The following DLG2 variants were observed in gnomAD, a reference collection of about 807,000 sequenced individuals.
DLG2 encodes disks large homolog 2.
In DLG2, 45 loss-of-function variants were observed where a neutral mutation model predicts 132.5. That is an observed-to-expected ratio of 0.34 (90% CI 0.27 to 0.44). The LOEUF (loss-of-function observed/expected upper bound fraction) is 0.44, where lower values mean the gene tolerates loss of function less well. DLG2 is among the 20% of genes least tolerant of loss of function. The pLI, the probability that DLG2 is intolerant of heterozygous loss-of-function variation, is 1.00. For missense variants in DLG2, 1,045 were observed against 1,196.9 expected, an observed-to-expected ratio of 0.87 and a Z score of 1.87; for synonymous variants, 424 against 419.6, an observed-to-expected ratio of 1.01 and a Z score of -0.13.
At position 84,356,838 on chromosome 11, in the gene DLG2, G is replaced by T. The variant is rs1296406168; in HGVS notation, c.520-105547C>A. Among the ~76,000 whole-genome samples the T allele has an allele frequency of 3.9e-5, 6 of 151,996 alleles. No homozygotes were observed. In the East Asian group the frequency reaches 1.2e-3, roughly 29 times the overall value. On this transcript the variant is annotated intron_variant, in intron 7 of 27. Transcript: ENST00000376104. ...GGACCTGGAAAAGTATTTTTAAAAA[G>T]ATGACATTTCAGCAAGTGACATAAA...
intron 7 of DLG2, among the ~76,000 whole-genome samples, chr11:84,422,974 T>C (rs2154465994): frequency 1.3e-5 from 2 of 152,230 alleles, no homozygotes; most frequent in Non-Finnish European, 2.9e-5. Context: ...CTTATCAAAG[T>C]AGTAATGGAA....
At chr11:84,050,159 T>TG (rs2096335819) in intron 11 of DLG2, among the ~76,000 whole-genome samples, 1 of 151,132 alleles carries the variant, frequency 6.6e-6, no homozygotes, top group Admixed American at 6.6e-5. Context: ...GAGACTTTTT[T>TG]TTTTTTTTTT....
chr11:83,777,708 C>G (rs1407415854), intron 18 of DLG2, among the ~76,000 whole-genome samples: 1 of 152,118 alleles, frequency 6.6e-6, no homozygotes, highest in African/African-American at 2.4e-5. Flanking sequence ...CCATGGTACA[C>G]AGAGACAGCA....
At chr11:85,310,429 T>C (rs1480743071) in intron 3 of DLG2, among the ~76,000 whole-genome samples, 1 of 152,194 alleles carries the variant, frequency 6.6e-6, no homozygotes, top group Non-Finnish European at 1.5e-5. Context: ...TAAAAATAAC[T>C]GCAGGATTTC....
At chr11:84,588,217 A>G (rs1361557848) in intron 6 of DLG2, among the ~76,000 whole-genome samples, 1 of 152,184 alleles carries the variant, frequency 6.6e-6, no homozygotes, top group East Asian at 1.9e-4. Context: ...GATACAGAGA[A>G]TAAGAAGATG....
At chr11:85,262,734 T>C (rs1333551857) in intron 4 of DLG2, among the ~76,000 whole-genome samples, 1 of 152,142 alleles carries the variant, frequency 6.6e-6, no homozygotes, top group Non-Finnish European at 1.5e-5. Flanking sequence ...ACTTTGTAAT[T>C]TTAAGTTGGT....
At chr11:83,888,270 A>C (rs544897780) in intron 15 of DLG2, among the ~76,000 whole-genome samples, 1 of 152,220 alleles carries the variant, frequency 6.6e-6, no homozygotes, top group Non-Finnish European at 1.5e-5. Context: ...TACATTATCA[A>C]TGTACAAAAA....
At chr11:85,023,732 C>T (rs1334232866) in intron 6 of DLG2, among the ~76,000 whole-genome samples, 1 of 151,798 alleles carries the variant, frequency 6.6e-6, no homozygotes, top group Non-Finnish European at 1.5e-5. Context: ...AGAGAATATT[C>T]TATATAAGAT....
At chr11:85,366,913 T>G (rs2084600941) in intron 3 of DLG2, among the ~76,000 whole-genome samples, 1 of 152,146 alleles carries the variant, frequency 6.6e-6, no homozygotes, top group South Asian at 2.1e-4. Context: ...TCCTTGTTTA[T>G]GATGTCATGA....
chr11:84,325,219 T>C (rs1599895843), intron 7 of DLG2, among the ~76,000 whole-genome samples: 1 of 152,090 alleles, frequency 6.6e-6, no homozygotes, highest in Non-Finnish European at 1.5e-5. Flanking sequence ...TTTTTTAAAT[T>C]TAATTATTAT....
At chr11:85,113,242 C>G (rs2073057534) in intron 5 of DLG2, among the ~76,000 whole-genome samples, 1 of 151,980 alleles carries the variant, frequency 6.6e-6, no homozygotes, top group Non-Finnish European at 1.5e-5. Flanking sequence ...TTGACAGTCA[C>G]AACTGTGAAA....
chr11:85,478,912 A>G (rs2093217640), intron 3 of DLG2, among the ~76,000 whole-genome samples: 1 of 152,186 alleles, frequency 6.6e-6, no homozygotes. Context: ...TTGAAAGCAA[A>G]ATTTTAAGAT....
At chr11:84,954,751 G>A (rs563767497) in intron 6 of DLG2, among the ~76,000 whole-genome samples, 1 of 152,110 alleles carries the variant, frequency 6.6e-6, no homozygotes, top group Admixed American at 6.6e-5. Context: ...ATTCCATAAG[G>A]ATTGAGATTT....
intron 15 of DLG2, among the ~76,000 whole-genome samples, chr11:83,891,274 G>A (rs1243105074): frequency 6.0e-5 from 9 of 150,372 alleles, no homozygotes; most frequent in African/African-American, 2.2e-4. Context: ...GACTAAGAAG[G>A]AGAGAATTGA....
chr11:83,461,310 T>C (rs2089964377), intron 27 of DLG2, among the ~76,000 whole-genome samples: 1 of 151,940 alleles, frequency 6.6e-6, no homozygotes, highest in African/African-American at 2.4e-5. Context: ...GCTCGAAAGT[T>C]CTTGTTTTTA....
chr11:85,099,092 T>G (rs533267348), intron 6 of DLG2, among the ~76,000 whole-genome samples: 4 of 152,308 alleles, frequency 2.6e-5, no homozygotes, highest in Admixed American at 2.6e-4. Context: ...TTGTGTCAAG[T>G]GCTGTTAAAA....
intron 9 of DLG2, among the ~76,000 whole-genome samples, chr11:84,142,810 TG>T (rs2094911448): frequency 6.6e-6 from 1 of 152,144 alleles, no homozygotes; most frequent in Non-Finnish European, 1.5e-5. Flanking sequence ...TCTTCTCAGA[TG>T]TTTGGCATCA....
chr11:83,521,055 GT>G (rs1159202602), intron 21 of DLG2, among the ~76,000 whole-genome samples: 3 of 152,304 alleles, frequency 2.0e-5, no homozygotes, highest in South Asian at 4.1e-4. Context: ...AGGCGTCCTT[GT>G]TTTCCCCCAG....
intron 6 of DLG2, among the ~76,000 whole-genome samples, chr11:84,894,845 A>G (rs1231552994): frequency 2.6e-5 from 4 of 152,146 alleles, no homozygotes; most frequent in African/African-American, 4.8e-5. Flanking sequence ...GATGTCTACA[A>G]TTTATGTCAG....
Sources: allele counts gnomAD v4.1 joint callset (sites outside exome capture counted in the v4.1 genomes callset), GRCh38; gene constraint gnomAD v4.1.1; transcripts MANE v1.5; gene names NCBI Gene and HGNC (gene_info 2026-07-23, HGNC 2026-07-21).